Variants in MED12L observed in about 807,000 individuals in gnomAD.
MED12L encodes mediator of RNA polymerase II transcription subunit 12-like protein.
A neutral mutation model predicts 281.3 loss-of-function variants in MED12L; 60 were observed. That is an observed-to-expected ratio of 0.21 (90% CI 0.17 to 0.26). MED12L has a LOEUF of 0.26. Ranked by LOEUF, MED12L falls within the 10% of genes least tolerant of loss-of-function variation. MED12L has a pLI of 1.00. For missense variants in MED12L, 2,146 were observed against 2,680.9 expected, an observed-to-expected ratio of 0.80 and a Z score of 4.41; for synonymous variants, 974 against 987.2, an observed-to-expected ratio of 0.99 and a Z score of 0.25.
At chr3:151,338,346 G>A (rs749142270) in intron 16 of MED12L, 23 of 1,613,864 alleles carry the variant, frequency 1.4e-5, no homozygotes, top group Admixed American at 1.3e-4. Flanking sequence ...CTTGTCTCTC[G>A]GCTGCCTGTT....
At chr3:151,188,564 CT>C (rs770344398) in intron 13 of MED12L, 84 bp downstream of exon 13, 2 of 1,352,766 alleles carry the variant, frequency 1.5e-6, no homozygotes, top group Non-Finnish European at 2.0e-6. Flanking sequence ...AAATTTAGAT[CT>C]TATTTAATAT....
At chr3:151,401,784 G>A (rs569193441) in intron 39 of MED12L, among the ~76,000 whole-genome samples, 11 of 152,258 alleles carry the variant, frequency 7.2e-5, no homozygotes, top group Non-Finnish European at 1.6e-4. Context: ...CACTGTCCTG[G>A]TAAATATGTC....
At chr3:151,369,053 A>G (rs539457365) in intron 25 of MED12L, among the ~76,000 whole-genome samples, 12 of 151,968 alleles carry the variant, frequency 7.9e-5, no homozygotes, top group Non-Finnish European at 1.5e-4. Flanking sequence ...GAGCCACCGC[A>G]CCCATCCCTC....
At chr3:151,308,519 T>G (rs1747015935) in intron 16 of MED12L, among the ~76,000 whole-genome samples, 1 of 152,210 alleles carries the variant, frequency 6.6e-6, no homozygotes, top group African/African-American at 2.4e-5. Context: ...TTCAAGTGAC[T>G]TCTGGCCCTT....
intron 16 of MED12L, among the ~76,000 whole-genome samples, chr3:151,301,937 C>A (rs1433298833): frequency 6.6e-6 from 1 of 152,202 alleles, no homozygotes; most frequent in African/African-American, 2.4e-5. Context: ...TATGTCCATG[C>A]AATGACTTGT....
intron 33 of MED12L, among the ~76,000 whole-genome samples, chr3:151,382,948 T>C (rs1712655784): frequency 6.6e-6 from 1 of 152,158 alleles, no homozygotes; most frequent in Admixed American, 6.5e-5. Context: ...ATCTAGACAG[T>C]GCTAGGTATT....
At chr3:151,248,326 G>T (rs539189844) in intron 16 of MED12L, among the ~76,000 whole-genome samples, 291 of 152,174 alleles carry the variant, frequency 1.9e-3, no homozygotes, top group Non-Finnish European at 3.3e-3. Flanking sequence ...AGTGACCCAT[G>T]CATTTAATAT....
At chr3:151,086,445 G>T (rs992232963) in intron 1 of MED12L, 5 of 152,360 alleles carry the variant, frequency 3.3e-5, no homozygotes, top group Non-Finnish European at 7.3e-5. Flanking sequence ...CGCCTTGGGC[G>T]AGCACTTCAG....
intron 3 of MED12L, among the ~76,000 whole-genome samples, chr3:151,118,155 T>G (rs1713156875): frequency 6.6e-6 from 1 of 150,934 alleles, no homozygotes; most frequent in Non-Finnish European, 1.5e-5. Flanking sequence ...TCTTTTAGGG[T>G]TTTTTTTATA....
intron 16 of MED12L, chr3:151,213,315 G>A (rs1168852998): frequency 6.2e-7 from 1 of 1,608,628 alleles, no homozygotes; most frequent in Non-Finnish European, 8.5e-7. Flanking sequence ...AAGTATCTGT[G>A]CTTTCAAGTG....
At chr3:151,373,823 G>C (rs1209675169) in intron 27 of MED12L, among the ~76,000 whole-genome samples, 1 of 152,052 alleles carries the variant, frequency 6.6e-6, no homozygotes, top group Non-Finnish European at 1.5e-5. Flanking sequence ...CCCGGGCCTG[G>C]AATCAACTAT....
At chr3:151,273,156 T>A (rs2149568296) in intron 16 of MED12L, among the ~76,000 whole-genome samples, 1 of 151,850 alleles carries the variant, frequency 6.6e-6, no homozygotes, top group Non-Finnish European at 1.5e-5. Flanking sequence ...CTTATAGTCA[T>A]CAGAGCACCA....
intron 16 of MED12L, among the ~76,000 whole-genome samples, chr3:151,217,872 G>A (rs1300190396): frequency 1.3e-5 from 2 of 152,106 alleles, no homozygotes; most frequent in Admixed American, 1.3e-4. Context: ...TTTCTGTAGG[G>A]CAGATCAGAG....
intron 6 of MED12L, among the ~76,000 whole-genome samples, chr3:151,156,651 T>A (rs1576848424): frequency 1.3e-5 from 2 of 152,198 alleles, no homozygotes; most frequent in East Asian, 3.8e-4. Flanking sequence ...TAAAAACACC[T>A]TTGTGCTGAT....
intron 16 of MED12L, among the ~76,000 whole-genome samples, chr3:151,204,306 C>T (rs889887644): frequency 6.6e-6 from 1 of 151,992 alleles, no homozygotes; most frequent in African/African-American, 2.4e-5. Flanking sequence ...AGAAAAATGT[C>T]TCAAAAGATG....
intron 11 of MED12L, among the ~76,000 whole-genome samples, chr3:151,182,520 T>C (rs530197697): frequency 2.6e-5 from 4 of 152,198 alleles, no homozygotes; most frequent in African/African-American, 7.2e-5. Context: ...GCCTGAATCC[T>C]CCAGATTTTA....
intron 14 of MED12L, 64 bp downstream of exon 14, chr3:151,190,995 A>C: frequency 7.6e-6 from 11 of 1,439,892 alleles, no homozygotes; most frequent in Non-Finnish European, 9.7e-6. Context: ...ACCATGTTCA[A>C]ATGGGTCATG....
intron 36 of MED12L, 60 bp downstream of exon 36, chr3:151,385,251 T>G: frequency 1.1e-6 from 1 of 921,004 alleles, no homozygotes; most frequent in East Asian, 2.8e-5. Context: ...AATACTTTTT[T>G]TTGTCTTACC....
At chr3:151,420,030 A>G (rs1275936130) in intron 43 of MED12L, among the ~76,000 whole-genome samples, 1 of 152,158 alleles carries the variant, frequency 6.6e-6, no homozygotes, top group African/African-American at 2.4e-5. Flanking sequence ...CACCTTCAGC[A>G]CGCACCTCAG....
Sources: gnomAD v4.1 joint callset for allele counts (sites outside exome capture counted in the v4.1 genomes callset) on GRCh38, gnomAD v4.1.1 for gene constraint, MANE v1.5 for transcripts, NCBI Gene and HGNC (gene_info 2026-07-23, HGNC 2026-07-21) for gene names.